Variants in ST3GAL6 observed in about 807,000 individuals in gnomAD.
ST3GAL6 encodes the protein ST3 beta-galactoside alpha-2,3-sialyltransferase 6, also known as type 2 lactosamine alpha-2,3-sialyltransferase.
A neutral mutation model predicts 40.5 loss-of-function variants in ST3GAL6; 31 were observed. That is an observed-to-expected ratio of 0.77 (90% confidence interval 0.58 to 1.03). The LOEUF is 1.03. Ranked by LOEUF, ST3GAL6 falls within the 50% of genes least tolerant of loss-of-function variation. ST3GAL6 has a pLI of 0.00. For missense variants in ST3GAL6, 357 were observed against 393.2 expected, an observed-to-expected ratio of 0.91 and a Z score of 0.78; for synonymous variants, 129 against 136.9, an observed-to-expected ratio of 0.94 and a Z score of 0.40.
intron 9 of ST3GAL6, among the ~76,000 whole-genome samples, chr3:98,792,364 T>C (rs192822233): frequency 1.3e-5 from 2 of 152,336 alleles, no homozygotes; most frequent in Admixed American, 6.5e-5. Context: ...TGTTTTTAAG[T>C]AGACAAGATG....
intron 1 of ST3GAL6, among the ~76,000 whole-genome samples, chr3:98,743,110 C>T (rs1936256858): frequency 2.0e-5 from 3 of 150,272 alleles, no homozygotes; most frequent in Non-Finnish European, 2.9e-5. Context: ...CCAGCTCAAG[C>T]GATCCTCCAG....
At chr3:98,774,655 A>G (rs1939342672) in intron 5 of ST3GAL6, among the ~76,000 whole-genome samples, 1 of 152,224 alleles carries the variant, frequency 6.6e-6, no homozygotes, top group African/African-American at 2.4e-5. Context: ...TGGGTAGTCT[A>G]CAGATGTAAG....
chr3:98,755,509 T>C (rs1437946630), intron 1 of ST3GAL6, among the ~76,000 whole-genome samples: 1 of 152,236 alleles, frequency 6.6e-6, no homozygotes, highest in African/African-American at 2.4e-5. Context: ...GTATCTTCCA[T>C]GTGGGAATTT....
At position 98,794,115 on chromosome 3, in the gene ST3GAL6, C is replaced by T. The variant is rs551272836; in HGVS notation, c.*354C>T. 6.4e-6 allele frequency: 1 copy of T among 156,866 alleles called. No individual in the cohort carries two copies. Among genetic ancestry groups the T allele is most frequent in the African/African-American group, 2.4e-5 (1 of 41,768 alleles). 9.7% of individuals were successfully genotyped at this position (156,866 alleles called of 1,614,324 possible). A position where few individuals can be genotyped will look rare whatever the true frequency, so the allele number is the denominator to read the frequency against. On this transcript the variant is annotated 3_prime_UTR_variant, in exon 10 of 10. Transcript: ENST00000483910. Reference sequence around the variant, plus strand: ...CACAACAATTCTGACTACAATAAGACATTTTGAGGAGGATATTTGGCTACT... The same window carrying T: ...CACAACAATTCTGACTACAATAAGATATTTTGAGGAGGATATTTGGCTACT...
At chr3:98,780,313 T>C (rs1180026707) in intron 5 of ST3GAL6, among the ~76,000 whole-genome samples, 1 of 152,024 alleles carries the variant, frequency 6.6e-6, no homozygotes, top group Non-Finnish European at 1.5e-5. Flanking sequence ...CTCAAAAGAG[T>C]TTCTATGTGA....
chr3:98,770,631 T>C (rs1938873915), intron 2 of ST3GAL6: 2 of 416,408 alleles, frequency 4.8e-6, no homozygotes, highest in Non-Finnish European at 8.6e-6. Context: ...GAATCATTGC[T>C]CTTGGAATCA....
At chr3:98,782,032 A>T (rs1310319307) in intron 5 of ST3GAL6, among the ~76,000 whole-genome samples, 1 of 152,150 alleles carries the variant, frequency 6.6e-6, no homozygotes, top group African/African-American at 2.4e-5. Flanking sequence ...TTTGGGGAGG[A>T]TAATGGCAAT....
intron 1 of ST3GAL6, among the ~76,000 whole-genome samples, chr3:98,734,939 A>G (rs1935402578): frequency 6.6e-6 from 1 of 152,164 alleles, no homozygotes; most frequent in African/African-American, 2.4e-5. Context: ...CCTGATAAGC[A>G]TCATCTGCTA....
At chr3:98,733,905 G>A (rs278371) in intron 1 of ST3GAL6, among the ~76,000 whole-genome samples, 31,087 of 152,046 alleles carry the variant, frequency 0.2, 3,445 homozygotes, top group African/African-American at 0.29. Flanking sequence ...TGAAAATAAC[G>A]TGGTGACTGC....
In ST3GAL6 at chr3:98,732,879, C is replaced by T. The variant is rs1228794931; in HGVS notation, c.-12+347C>T. The T allele has an allele frequency of 2.0e-6, 3 of 1,512,876 alleles. No individual in the cohort carries two copies. In the East Asian group the frequency reaches 7.8e-5, roughly 39 times the overall value. 93.7% of individuals were successfully genotyped at this position (1,512,876 alleles called of 1,614,324 possible). ...CTGCGGCCCGATGTGGCAGGCGCCG[C>T]GAGAGAGGCAGCAGCCGGCTGGAGC... On this transcript the variant is annotated intron_variant, in intron 1 of 9. Transcript: ENST00000265261.
At chr3:98,755,687 A>G (rs1014994817) in intron 1 of ST3GAL6, among the ~76,000 whole-genome samples, 2 of 152,294 alleles carry the variant, frequency 1.3e-5, no homozygotes, top group East Asian at 3.9e-4. Context: ...ACACAGGCAG[A>G]GTAGATTTAG....
At chr3:98,764,972 T>C (rs1938176751) in intron 1 of ST3GAL6, among the ~76,000 whole-genome samples, 1 of 152,208 alleles carries the variant, frequency 6.6e-6, no homozygotes. Flanking sequence ...CAGAAATTCT[T>C]CCATGGTTCT....
At chr3:98,779,575 T>G (rs1354557358) in intron 5 of ST3GAL6, among the ~76,000 whole-genome samples, 1 of 152,228 alleles carries the variant, frequency 6.6e-6, no homozygotes, top group African/African-American at 2.4e-5. Flanking sequence ...TTGCTTGCTC[T>G]ATATTGATTG....
At chr3:98,778,884 C>T (rs1036919710) in intron 5 of ST3GAL6, among the ~76,000 whole-genome samples, 2 of 152,174 alleles carry the variant, frequency 1.3e-5, no homozygotes, top group Admixed American at 6.5e-5. Context: ...TCCTGTATTG[C>T]GTAGACATGT....
At chr3:98,786,293 A>G (rs1046402386) in intron 6 of ST3GAL6, among the ~76,000 whole-genome samples, 3 of 152,184 alleles carry the variant, frequency 2.0e-5, no homozygotes, top group African/African-American at 7.2e-5. Flanking sequence ...TGAGCAAAGA[A>G]AAAGGAATGT....
Position 98,772,862 on chromosome 3 carries a change from G to A in ST3GAL6, c.217G>A (p.Ala73Thr). 6.2e-7 allele frequency: 1 copy of A among 1,613,300 alleles called. No homozygotes were observed. The highest frequency in any genetic ancestry group is 8.5e-7 in the Non-Finnish European group (1 of 1,179,452). Residue 73 changes from alanine to threonine, a missense_variant, in exon 4 of 10, where the codon GCT becomes ACT. Ala to Thr is a moderately conservative substitution (Grantham distance 58). Transcript: ENST00000483910. ...FLCAADFRKIASLYGSDKFDL... is the reference protein window; with the variant it reads ...FLCAADFRKITSLYGSDKFDL... ...GTGTGCGGCTGATTTTAGAAAGATT[G>A]CTTCCTTGTATGGTAGCGATAAGTT...
chr3:98,760,920 T>C (rs1937686202), upstream of ST3GAL6, among the ~76,000 whole-genome samples: 1 of 152,208 alleles, frequency 6.6e-6, no homozygotes. Flanking sequence ...AAGCAACAAC[T>C]TGAGCATTTT....
At chr3:98,764,068 T>C (rs1277126758) in intron 1 of ST3GAL6, among the ~76,000 whole-genome samples, 1 of 152,186 alleles carries the variant, frequency 6.6e-6, no homozygotes, top group Non-Finnish European at 1.5e-5. Context: ...GTGAGGTTTG[T>C]GTGTGCTCAG....
At position 98,788,142 on chromosome 3, in the gene ST3GAL6, C is replaced by A. The variant is rs1201427837; in HGVS notation, c.538C>A (p.Pro180Thr). The A allele has an allele frequency of 6.2e-7, 1 of 1,613,820 alleles. No homozygotes were observed. Among genetic ancestry groups the A allele is most frequent in the Non-Finnish European group, 8.5e-7 (1 of 1,179,966 alleles). ...SVFSDPIHND[P>T]NTTVILTAFK... is the part of the protein sequence containing the mutation. ...TTTTTCAGATCCTATTCACAATGAC[C>A]CTAATACGACAGTGATTCTCACTGC... The change falls in exon 7 of 10, where the codon CCT becomes ACT. Residue 180 changes from proline to threonine, a missense_variant. Coordinates refer to ENST00000483910, the MANE Select transcript of ST3GAL6 (RefSeq NM_001323368.2).
Sources: allele counts gnomAD v4.1 joint callset (sites outside exome capture counted in the v4.1 genomes callset), GRCh38; gene constraint gnomAD v4.1.1; transcripts MANE v1.5; gene names NCBI Gene and HGNC (gene_info 2026-07-23, HGNC 2026-07-21).